The following KCNK6 variants were observed in gnomAD, a reference collection of about 807,000 sequenced individuals.
KCNK6 encodes the protein potassium two pore domain channel subfamily K member 6.
In KCNK6, 20 loss-of-function variants were observed where a neutral mutation model predicts 21.9. The observed-to-expected ratio is 0.91, with a 90% CI of 0.64 to 1.32. KCNK6 has a LOEUF of 1.32. KCNK6 is among the 40% of genes most tolerant of loss of function. The pLI is 0.00. For synonymous variants in KCNK6, 210 were observed against 218.0 expected, an observed-to-expected ratio of 0.96 and a Z score of 0.32; for missense variants, 415 against 433.1, an observed-to-expected ratio of 0.96 and a Z score of 0.37.
chr19:38,326,609 G>T lies in KCNK6; in HGVS notation c.339G>T (p.Thr113=). 1.2e-6 allele frequency: 2 copies of T among 1,610,638 alleles called. No homozygotes were observed. The highest frequency in any genetic ancestry group is 1.1e-5 in the South Asian group (1 of 90,918). Residue 113 remains threonine (T), a synonymous_variant, in exon 2 of 3, where the codon ACG becomes ACT. Transcript: ENST00000263372. ...CTCCCCTAGGCTATGGGTACACAAC[G>T]CCACTGACTGATGCGGGCAAGGCCT... ...LITTVGYGYT[T]PLTDAGKAFS...
intron 1 of KCNK6, among the ~76,000 whole-genome samples, chr19:38,323,203 A>G (rs1190931164): frequency 6.6e-6 from 1 of 152,202 alleles, no homozygotes; most frequent in Non-Finnish European, 1.5e-5. Context: ...AACTGGGCCT[A>G]CTTAAGGACT....
Position 38,327,190 on chromosome 19 carries a change from C to T in KCNK6, c.729C>T (p.Phe243=), listed in dbSNP as rs377404354. 35 of 1,612,324 alleles carry T rather than the reference C, an allele frequency of 2.2e-5. No individual in the cohort carries two copies. The highest frequency in any genetic ancestry group is 2.9e-5 in the Non-Finnish European group (34 of 1,180,038). The change falls in exon 3 of 3, where the codon TTC becomes TTT. Residue 243 remains phenylalanine, a synonymous_variant. Transcript: ENST00000263372. ...TCTCCGCCTTTACAGTCTACCTCTTCCTGGGCCTGGTGGCCATGGTGCTGG... is the reference window on the plus strand; with the variant it reads ...TCTCCGCCTTTACAGTCTACCTCTTTCTGGGCCTGGTGGCCATGGTGCTGG... The part of the protein sequence containing the change: ...LYKVLVTVYL[F]LGLVAMVLVL...
At position 38,330,923 on chromosome 19, in the gene KCNK6, G is replaced by C. The variant is rs1969763415; in HGVS notation, c.*3520G>C. The C allele has an allele frequency of 6.6e-6, 1 of 152,230 alleles. No homozygotes were observed. The highest frequency in any genetic ancestry group is 6.5e-5 in the Admixed American group (1 of 15,272). The allele number at this position is 152,230 out of a possible 1,614,324, so 9.4% of individuals were successfully genotyped here. On this transcript the variant is annotated 3_prime_UTR_variant, in exon 3 of 3. Transcript: ENST00000263372. ...CCTTACCTATGTCACAGCTGACTTT[G>C]AGCTAAAGTCATCTCGGGGCAGCTA...
At position 38,332,012 on chromosome 19, in the gene KCNK6, C is replaced by T. The variant is rs1969771721; in HGVS notation, c.*4609C>T. ...ACTTGAGAAGTCAGCAACTTCATACCTCTAAAGCCCTTAGAGCTAGCAGTG... is the reference window on the plus strand; with the variant it reads ...ACTTGAGAAGTCAGCAACTTCATACTTCTAAAGCCCTTAGAGCTAGCAGTG... On this transcript the variant is annotated 3_prime_UTR_variant, in exon 3 of 3. Coordinates refer to ENST00000263372, the MANE Select transcript of KCNK6 (RefSeq NM_004823.3). The T allele has an allele frequency of 6.6e-6, 1 of 152,122 alleles. No individual in the cohort carries two copies. Among genetic ancestry groups the T allele is most frequent in the Non-Finnish European group, 1.5e-5 (1 of 68,042 alleles). The allele number at this position is 152,122 out of a possible 1,614,324, so 9.4% of individuals were successfully genotyped here. A position where few individuals can be genotyped will look rare whatever the true frequency, so the allele number is the denominator to read the frequency against.
In KCNK6 at chr19:38,327,668, T is replaced by A; in HGVS notation, c.*265T>A. 3.9e-6 allele frequency: 2 copies of A among 508,054 alleles called. No individual in the cohort carries two copies. The highest frequency in any genetic ancestry group is 7.1e-6 in the Non-Finnish European group (2 of 281,582). The allele number at this position is 508,054 out of a possible 1,614,324, so 31.5% of individuals were successfully genotyped here. On this transcript the variant is annotated 3_prime_UTR_variant, in exon 3 of 3. Transcript: ENST00000263372. ...CCTCTTTACACTGTGTCTCTCTGGC[T>A]CTCTGGCATTCTCGCTGCCTCTGTC...
Position 38,328,401 on chromosome 19 carries a change from A to G in KCNK6, c.*998A>G, listed in dbSNP as rs775010803. The G allele has an allele frequency of 6.6e-6, 1 of 152,248 alleles. No individual in the cohort carries two copies. Among genetic ancestry groups the G allele is most frequent in the Non-Finnish European group, 1.5e-5 (1 of 68,094 alleles). The allele number at this position is 152,248 out of a possible 1,614,324, so 9.4% of individuals were successfully genotyped here. A position where few individuals can be genotyped will look rare whatever the true frequency, so the allele number is the denominator to read the frequency against. Reference sequence around the variant, plus strand: ...CATGACACCATTGTAAGAGCTGTCCACATTTGTATGTTGTGCCCTGGAATC... The same window carrying G: ...CATGACACCATTGTAAGAGCTGTCCGCATTTGTATGTTGTGCCCTGGAATC... On this transcript the variant is annotated 3_prime_UTR_variant, in exon 3 of 3. Transcript: ENST00000263372.
chr19:38,327,341 C>A lies in KCNK6; in HGVS notation c.880C>A (p.Pro294Thr), dbSNP rs145593084. The A allele has an allele frequency of 1.2e-5, 20 of 1,612,824 alleles. No homozygotes were observed. The highest frequency in any genetic ancestry group is 1.7e-5 in the Non-Finnish European group (20 of 1,180,020). ...TCGGGTGGACATCCTGGGCCCCCAG[C>A]CGGAGTCGCACCAGCAACTCTCTGC... ...DDRVDILGPQPESHQQLSASS... is the reference protein window; with the variant it reads ...DDRVDILGPQTESHQQLSASS... The change falls in exon 3 of 3, where the codon CCG becomes ACG. Residue 294 changes from proline (P) to threonine (T), a missense_variant. Transcript: ENST00000263372.
chr19:38,329,835 A>C lies in KCNK6; in HGVS notation c.*2432A>C, dbSNP rs1969752872. 1 of 152,814 alleles carries C rather than the reference A, an allele frequency of 6.5e-6. No homozygotes were observed. The highest frequency in any genetic ancestry group is 1.5e-5 in the Non-Finnish European group (1 of 68,596). 9.5% of individuals were successfully genotyped at this position (152,814 alleles called of 1,614,324 possible). On this transcript the variant is annotated 3_prime_UTR_variant, in exon 3 of 3. Coordinates refer to ENST00000263372, the MANE Select transcript of KCNK6 (RefSeq NM_004823.3). ...CGATGGGCCTGGGCTGAGCCATGGA[A>C]GGGAGGAGGGGTGAGTGCGGGCACA... is the stretch of plus-strand genomic sequence containing the variant.
At chr19:38,325,972 G>A (rs1356385071) in intron 1 of KCNK6, among the ~76,000 whole-genome samples, 1 of 152,166 alleles carries the variant, frequency 6.6e-6, no homozygotes, top group Non-Finnish European at 1.5e-5. Flanking sequence ...AGGCTGCTGT[G>A]GTGGACAGGA....
Position 38,319,892 on chromosome 19 carries a change from C to A in KCNK6, c.-59C>A. The A allele has an allele frequency of 7.4e-7, 1 of 1,356,594 alleles. No individual in the cohort carries two copies. The highest frequency in any genetic ancestry group is 9.4e-7 in the Non-Finnish European group (1 of 1,060,526). The allele number at this position is 1,356,594 out of a possible 1,614,324, so 84.0% of individuals were successfully genotyped here. A position where few individuals can be genotyped will look rare whatever the true frequency, so the allele number is the denominator to read the frequency against. On this transcript the variant is annotated 5_prime_UTR_variant, in exon 1 of 3. Coordinates refer to ENST00000263372, the MANE Select transcript of KCNK6 (RefSeq NM_004823.3). ...AACTGGAACTAGGTGCCAGACGGTC[C>A]GGAGGCGGGGGCCACGTCAGCGGGG...
At position 38,326,765 on chromosome 19, in the gene KCNK6, C is replaced by G. The variant is rs1326194393; in HGVS notation, c.495C>G (p.Pro165=). ...SWLSMRWGWD[P]RRAACWHLVA... is the part of the protein sequence containing the mutation. ...TGAGCATGCGTTGGGGCTGGGACCC[C>G]CGGCGGGCGGCCTGCTGGCACTTGG... The change falls in exon 2 of 3, where the codon CCC becomes CCG. Residue 165 remains proline (P), a synonymous_variant. Transcript: ENST00000263372. The G allele has an allele frequency of 6.2e-7, 1 of 1,604,426 alleles. No homozygotes were observed.
chr19:38,326,943 GC>G lies in KCNK6; in HGVS notation c.677del (p.Pro226LeufsTer104). The G allele has an allele frequency of 6.2e-7, 1 of 1,608,306 alleles. No homozygotes were observed. On this transcript the variant is annotated frameshift_variant, in exon 2 of 3. Coordinates refer to ENST00000263372, the MANE Select transcript of KCNK6 (RefSeq NM_004823.3). LOFTEE classifies it high-confidence loss of function. ...IGLGDYVPGEAPGQPYRALYK... is the reference protein window; with the variant it reads ...IGLGDYVPGEXPGQPYRALYK... The stretch of plus-strand genomic sequence containing the variant: ...CCTGGGCGACTACGTGCCCGGGGAG[GC>G]CCCTGGCCAGCCCTACCGGGCCCTC...
At chr19:38,322,910 C>T (rs1363772745) in intron 1 of KCNK6, among the ~76,000 whole-genome samples, 3 of 151,850 alleles carry the variant, frequency 2.0e-5, no homozygotes, top group African/African-American at 4.8e-5. Context: ...GTTAGGAGTT[C>T]GAGACCAGCC....
At position 38,329,163 on chromosome 19, in the gene KCNK6, G is replaced by T. The variant is rs1969747440; in HGVS notation, c.*1760G>T. ...GAGAATGGCGTGAACCCCGGTGGGG[G>T]CGGAGCCTGCAATGAGCCGAGATCG... On this transcript the variant is annotated 3_prime_UTR_variant, in exon 3 of 3. Transcript: ENST00000263372. 6.6e-6 allele frequency: 1 copy of T among 151,908 alleles called. No individual in the cohort carries two copies. Among genetic ancestry groups the T allele is most frequent in the South Asian group, 2.1e-4 (1 of 4,822 alleles). The allele number at this position is 151,908 out of a possible 1,614,324, so 9.4% of individuals were successfully genotyped here. A position where few individuals can be genotyped will look rare whatever the true frequency, so the allele number is the denominator to read the frequency against.
In KCNK6 at chr19:38,330,087, T is replaced by C. The variant is rs1178689523; in HGVS notation, c.*2684T>C. 4 of 152,382 alleles carry C rather than the reference T, an allele frequency of 2.6e-5. No individual in the cohort carries two copies. Among genetic ancestry groups the C allele is most frequent in the African/African-American group, 9.7e-5 (4 of 41,424 alleles). The allele number at this position is 152,382 out of a possible 1,614,324, so 9.4% of individuals were successfully genotyped here. ...GGCTCACGCCTGTAATCCCAGCACT[T>C]TGTGAGGCCGAGGCAGGTGGATCAC... On this transcript the variant is annotated 3_prime_UTR_variant, in exon 3 of 3. Transcript: ENST00000263372.
chr19:38,326,056 A>T (rs949372942), intron 1 of KCNK6, among the ~76,000 whole-genome samples: 2 of 152,118 alleles, frequency 1.3e-5, no homozygotes, highest in Non-Finnish European at 2.9e-5. Flanking sequence ...TTGAGATAAT[A>T]GGCTTCACTG....
At chr19:38,321,525 G>A (rs1042076588) in intron 1 of KCNK6, among the ~76,000 whole-genome samples, 3 of 152,212 alleles carry the variant, frequency 2.0e-5, no homozygotes, top group African/African-American at 7.2e-5. Flanking sequence ...GAAACCCTGA[G>A]AAGCCAGACT....
At chr19:38,323,431 G>T (rs991677647) in intron 1 of KCNK6, among the ~76,000 whole-genome samples, 7 of 152,358 alleles carry the variant, frequency 4.6e-5, no homozygotes, top group Admixed American at 4.6e-4. Context: ...CCCTGGAATT[G>T]ATCTGGGCAG....
At chr19:38,325,125 T>G (rs1969694433) in intron 1 of KCNK6, 1 of 152,080 alleles carries the variant, frequency 6.6e-6, no homozygotes, top group African/African-American at 2.4e-5. Flanking sequence ...TAAAACTTTT[T>G]TTTTTTTTTG....
Sources: allele counts gnomAD v4.1 joint callset (sites outside exome capture counted in the v4.1 genomes callset), GRCh38; gene constraint gnomAD v4.1.1; transcripts MANE v1.5; gene names NCBI Gene and HGNC (gene_info 2026-07-23, HGNC 2026-07-21).